CDIP1: variants seen among roughly 807,000 people sequenced by gnomAD.
The protein encoded by CDIP1 is cell death-inducing p53-target protein 1.
A neutral mutation model predicts 17.7 loss-of-function variants in CDIP1; 9 were observed. The ratio of observed to expected loss-of-function variants is 0.51; its 90% confidence interval spans 0.31 to 0.89. CDIP1 has a LOEUF of 0.89. Among genes scored for constraint, CDIP1 ranks in the 40% least tolerant of loss-of-function variants. CDIP1 has a pLI of 0.05. For missense variants in CDIP1, 263 were observed against 277.9 expected, an observed-to-expected ratio of 0.95 and a Z score of 0.38; for synonymous variants, 117 against 109.5, an observed-to-expected ratio of 1.07 and a Z score of -0.43.
Position 4,512,865 on chromosome 16 carries a change from C to A in CDIP1, c.441G>T (p.Gln147His). ...PVQTVCPHCQ[Q>H]AITTKISYEI... Reference sequence around the variant, plus strand: ...CGTAGGAGATCTTGGTGGTGATGGCCTGCTGGCAGTGGGGACACACCGTCT... The same window carrying A: ...CGTAGGAGATCTTGGTGGTGATGGCATGCTGGCAGTGGGGACACACCGTCT... The change falls in exon 5 of 6, where the codon CAG becomes CAT. Residue 147 changes from glutamine (Q) to histidine (H), a missense_variant. Coordinates refer to ENST00000567695, the MANE Select transcript of CDIP1 (RefSeq NM_013399.3). The surrounding 1 kb of genome is among the most constrained non-coding windows in gnomAD (Gnocchi z 4.6). 1 of 1,563,196 alleles carries A rather than the reference C, an allele frequency of 6.4e-7. No individual in the cohort carries two copies. Among genetic ancestry groups the A allele is most frequent in the Non-Finnish European group, 8.7e-7 (1 of 1,153,226 alleles).
At chr16:4,517,693 A>G (rs941850303) in intron 1 of CDIP1, among the ~76,000 whole-genome samples, 2 of 151,930 alleles carry the variant, frequency 1.3e-5, no homozygotes, top group African/African-American at 4.8e-5. Context: ...GTGAGCCATG[A>G]TCAGGCCACT....
intron 1 of CDIP1, among the ~76,000 whole-genome samples, chr16:4,521,992 G>C (rs188696803): frequency 6.6e-6 from 1 of 152,208 alleles, no homozygotes; most frequent in Non-Finnish European, 1.5e-5. Flanking sequence ...GAAAACAACA[G>C]GTATTGACGC....
chr16:4,538,198 G>T (rs913899465), intron 1 of CDIP1: 1 of 152,244 alleles, frequency 6.6e-6, no homozygotes, highest in African/African-American at 2.4e-5. Context: ...GCACACAGCG[G>T]GGCGCCCGCC....
At position 4,514,119 on chromosome 16, in the gene CDIP1, C is replaced by A; in HGVS notation, c.12G>T (p.Glu4Asp). 1 of 1,545,342 alleles carries A rather than the reference C, an allele frequency of 6.5e-7. No individual in the cohort carries two copies. The highest frequency in any genetic ancestry group is 1.2e-5 in the South Asian group (1 of 80,116). The change falls in exon 3 of 6, where the codon GAG becomes GAT. Residue 4 changes from glutamate (E) to aspartate (D), a missense_variant. Coordinates refer to ENST00000567695, the MANE Select transcript of CDIP1 (RefSeq NM_013399.3). This position sits in a 1 kb window ranked among gnomAD's most constrained non-coding sequence, Gnocchi z 5.2. MSS[E>D]PPPPYPGGPT... is the part of the protein sequence containing the mutation. ...GGCCCCCAGGATAAGGAGGGGGAGG[C>A]TCGCTGGACATCTTCGCTGCTTCTC...
chr16:4,519,952 A>C lies in CDIP1; in HGVS notation c.-104-5288T>G, dbSNP rs147996105. On this transcript the variant is annotated intron_variant, in intron 1 of 5. Coordinates refer to ENST00000567695, the MANE Select transcript of CDIP1 (RefSeq NM_013399.3). ...AACCAAATACTCTCTTTTCTTTATA[A>C]ATTACTCAGCCTCAGGTAATTTATA... Among the ~76,000 whole-genome samples the C allele has an allele frequency of 1.8e-3, 271 of 152,276 alleles. 4 individuals are homozygous for C. Among genetic ancestry groups the C allele is most frequent in the African/African-American group, 6.3e-3 (263 of 41,548 alleles).
rs17886372 is a variant in CDIP1 at position 4,512,141 on chromosome 16, G to A, written c.*431C>T. The stretch of plus-strand genomic sequence containing the variant: ...GACTCCAGACAACTTACCCATTCTC[G>A]GCCCAGCAGGTCAGAAACGCCTGTG... On this transcript the variant is annotated 3_prime_UTR_variant, in exon 6 of 6. Transcript: ENST00000567695. The surrounding 1 kb of genome is among the most constrained non-coding windows in gnomAD (Gnocchi z 4.6). 6.1e-5 allele frequency: 11 copies of A among 181,248 alleles called. No individual in the cohort carries two copies. Among genetic ancestry groups the A allele is most frequent in the Admixed American group, 3.8e-4 (7 of 18,288 alleles). The allele number at this position is 181,248 out of a possible 1,614,324, so 11.2% of individuals were successfully genotyped here. A position where few individuals can be genotyped will look rare whatever the true frequency, so the allele number is the denominator to read the frequency against.
chr16:4,515,565 A>G (rs2058879267), intron 1 of CDIP1, among the ~76,000 whole-genome samples: 1 of 152,226 alleles, frequency 6.6e-6, no homozygotes, highest in Non-Finnish European at 1.5e-5. Flanking sequence ...ATTAAGAAAT[A>G]CAAAGAACTC....
chr16:4,535,594 G>A (rs758707668), intron 1 of CDIP1, among the ~76,000 whole-genome samples: 3 of 152,248 alleles, frequency 2.0e-5, no homozygotes, highest in South Asian at 4.1e-4. Flanking sequence ...AGCAAGGCCT[G>A]TCTGTCACAC....
intron 1 of CDIP1, among the ~76,000 whole-genome samples, chr16:4,527,175 C>T (rs1369049630): frequency 1.3e-5 from 2 of 152,042 alleles, no homozygotes; most frequent in Admixed American, 6.5e-5. Context: ...GCAAGCTCCG[C>T]CTCCTGGGTT....
intron 1 of CDIP1, among the ~76,000 whole-genome samples, chr16:4,526,513 C>A (rs531842230): frequency 6.6e-6 from 1 of 151,856 alleles, no homozygotes; most frequent in African/African-American, 2.4e-5. Context: ...TCCTGGCTAA[C>A]ATGGTGAAAA....
intron 1 of CDIP1, among the ~76,000 whole-genome samples, chr16:4,520,131 T>C (rs1361341931): frequency 6.6e-6 from 1 of 151,676 alleles, no homozygotes; most frequent in Non-Finnish European, 1.5e-5. Context: ...TTTTTTTTTT[T>C]AGACAGAGTC....
chr16:4,519,272 G>C (rs1015802619), intron 1 of CDIP1, among the ~76,000 whole-genome samples: 1 of 152,170 alleles, frequency 6.6e-6, no homozygotes, highest in African/African-American at 2.4e-5. Flanking sequence ...CAAAACATGT[G>C]GGGGTTTCTC....
chr16:4,526,276 C>T (rs2058999890), intron 1 of CDIP1, among the ~76,000 whole-genome samples: 1 of 152,056 alleles, frequency 6.6e-6, no homozygotes, highest in Non-Finnish European at 1.5e-5. Flanking sequence ...ATGATGGCAT[C>T]CGCCTGTAAT....
intron 1 of CDIP1, chr16:4,523,972 T>C (rs1447375369): frequency 6.6e-6 from 1 of 152,234 alleles, no homozygotes; most frequent in Non-Finnish European, 1.5e-5. Flanking sequence ...GGCTTTAGGC[T>C]TCCCCAGGAG....
At chr16:4,528,750 A>T (rs2059026188) in intron 1 of CDIP1, among the ~76,000 whole-genome samples, 1 of 144,592 alleles carries the variant, frequency 6.9e-6, no homozygotes, top group Non-Finnish European at 1.5e-5. Context: ...GCACTTTGGG[A>T]GGCTGAGGCA....
At chr16:4,515,274 A>G (rs191675680) in intron 1 of CDIP1, among the ~76,000 whole-genome samples, 39 of 152,302 alleles carry the variant, frequency 2.6e-4, no homozygotes, top group Non-Finnish European at 3.8e-4. Context: ...AAAGTTTAAC[A>G]AATCAGGGGC....
intron 1 of CDIP1, among the ~76,000 whole-genome samples, chr16:4,523,662 T>G (rs1282406000): frequency 6.6e-6 from 1 of 152,164 alleles, no homozygotes; most frequent in Non-Finnish European, 1.5e-5. Flanking sequence ...CAGGGCACAG[T>G]AGAAGGACAG....
chr16:4,535,273 T>C (rs768648975), intron 1 of CDIP1, among the ~76,000 whole-genome samples: 2 of 152,198 alleles, frequency 1.3e-5, no homozygotes, highest in African/African-American at 2.4e-5. Flanking sequence ...TTACACCTCC[T>C]TGCAGTAAGA....
At chr16:4,519,051 T>C (rs2058917673) in intron 1 of CDIP1, among the ~76,000 whole-genome samples, 1 of 152,200 alleles carries the variant, frequency 6.6e-6, no homozygotes, top group Non-Finnish European at 1.5e-5. Flanking sequence ...ATCTTGGATT[T>C]ATTAATTGCA....
Sources: allele counts gnomAD v4.1 joint callset (sites outside exome capture counted in the v4.1 genomes callset), GRCh38; gene constraint gnomAD v4.1.1; non-coding constraint Gnocchi (gnomAD v3.1); transcripts MANE v1.5; gene names NCBI Gene and HGNC (gene_info 2026-07-23, HGNC 2026-07-21).